ZNF333: variants seen among roughly 807,000 people sequenced by gnomAD.
ZNF333 encodes zinc finger protein 333.
A neutral mutation model predicts 76.1 loss-of-function variants in ZNF333; 61 were observed. That is an observed-to-expected ratio of 0.80 (90% CI 0.65 to 0.99). The LOEUF (loss-of-function observed/expected upper bound fraction) is 0.99. Among genes scored for constraint, ZNF333 ranks in the 50% least tolerant of loss-of-function variants. The pLI is 0.00. For missense variants in ZNF333, 717 were observed against 822.4 expected (o/e 0.87, Z 1.57); for synonymous variants, 284 against 305.0 (o/e 0.93, Z 0.72).
intron 5 of ZNF333, chr19:14,702,016 T>A: frequency 1.8e-6 from 1 of 549,012 alleles, no homozygotes; most frequent in Non-Finnish European, 2.3e-6. Context: ...GCTGACCCTT[T>A]AGGTAGCCCT....
chr19:14,703,873 G>C (rs557930477), intron 5 of ZNF333, among the ~76,000 whole-genome samples: 20 of 152,312 alleles, frequency 1.3e-4, no homozygotes, highest in African/African-American at 4.6e-4. Context: ...TTGGCCCTGT[G>C]AATGATGGAT....
rs772783897 is a variant in ZNF333, at chr19:14,716,254, C to G, written c.727+16C>G. On this transcript the variant is annotated intron_variant, in intron 9 of 11. Coordinates refer to ENST00000292530, the MANE Select transcript of ZNF333 (RefSeq NM_032433.4). ...GCCTCTGTGGGTAAGGCAGCTTCAT[C>G]TTTTCTTTCCTTTTTTTTTTTTGAG... 8 of 1,586,778 alleles carry G rather than the reference C, an allele frequency of 5.0e-6. No individual in the cohort carries two copies. Among genetic ancestry groups the G allele is most frequent in the Non-Finnish European group, 6.8e-6 (8 of 1,171,940 alleles).
intron 11 of ZNF333, among the ~76,000 whole-genome samples, chr19:14,727,987 C>T (rs968071216): frequency 6.6e-6 from 1 of 152,202 alleles, no homozygotes; most frequent in African/African-American, 2.4e-5. Context: ...CTTTGGGAGG[C>T]TGAGACAGGT....
At chr19:14,709,625 A>G (rs1272760702) in intron 7 of ZNF333, among the ~76,000 whole-genome samples, 1 of 152,236 alleles carries the variant, frequency 6.6e-6, no homozygotes, top group Non-Finnish European at 1.5e-5. Context: ...TAAAGGTTAA[A>G]TAAGGTCATA....
At chr19:14,715,635 A>C (rs2147012628) in intron 8 of ZNF333, among the ~76,000 whole-genome samples, 165 bp downstream of exon 8, 1 of 152,302 alleles carries the variant, frequency 6.6e-6, no homozygotes, top group Non-Finnish European at 1.5e-5. Context: ...CCATGATCCC[A>C]CCACCTCATT....
chr19:14,706,332 C>T (rs1412677679), intron 6 of ZNF333: 2 of 385,376 alleles, frequency 5.2e-6, no homozygotes, highest in Admixed American at 3.2e-5. Context: ...CTGCCTGCTC[C>T]GCATTCACGC....
At chr19:14,695,160 C>A in intron 3 of ZNF333, 27 bp downstream of exon 3, 2 of 1,608,140 alleles carry the variant, frequency 1.2e-6, no homozygotes, top group Non-Finnish European at 1.7e-6. Context: ...CTGGCTCCTT[C>A]CTGTACGCAG....
At chr19:14,700,586 C>T (rs578123359) in intron 5 of ZNF333, among the ~76,000 whole-genome samples, 1 of 152,254 alleles carries the variant, frequency 6.6e-6, no homozygotes, top group African/African-American at 2.4e-5. Context: ...ATTAATAGTA[C>T]AGGAGAAAAT....
downstream of ZNF333, among the ~76,000 whole-genome samples, chr19:14,724,596 T>G (rs2147038235): frequency 6.6e-6 from 1 of 152,268 alleles, no homozygotes; most frequent in Non-Finnish European, 1.5e-5. Context: ...TGAAGCTCCA[T>G]CTCTACTAAA....
At chr19:14,707,262 A>AAT (rs149935126) in intron 7 of ZNF333, 1 of 151,058 alleles carries the variant, frequency 6.6e-6, no homozygotes, top group Non-Finnish European at 1.5e-5. Flanking sequence ...AAAAAAAAAA[A>AAT]TTAGCTGTGC....
chr19:14,723,138 A>G (rs1205832287), downstream of ZNF333, among the ~76,000 whole-genome samples: 1 of 152,198 alleles, frequency 6.6e-6, no homozygotes, highest in African/African-American at 2.4e-5. Context: ...ATTCTTTTGC[A>G]TGTGCATATC....
At chr19:14,731,416 G>A (rs1387617624) in exon 12 of ZNF333, 1 of 567,220 alleles carries the variant, frequency 1.8e-6, no homozygotes, top group South Asian at 2.3e-5. Flanking sequence ...CGGATTGTAG[G>A]TTCCCCGCAA....
chr19:14,702,042 G>C (rs560396148), intron 5 of ZNF333: 1 of 331,644 alleles, frequency 3.0e-6, no homozygotes, highest in South Asian at 1.2e-4. Context: ...GCCATGCCAG[G>C]CATCATTGTG....
chr19:14,708,048 C>T (rs1368148023), intron 7 of ZNF333: 1 of 396,548 alleles, frequency 2.5e-6, no homozygotes, highest in Non-Finnish European at 4.5e-6. Flanking sequence ...CGCTCTGTCA[C>T]CTGGGCTGGA....
At chr19:14,692,787 A>C (rs528725398) in intron 1 of ZNF333, among the ~76,000 whole-genome samples, 1 of 149,412 alleles carries the variant, frequency 6.7e-6, no homozygotes, top group Non-Finnish European at 1.5e-5. Context: ...TGCTGGGATT[A>C]TAGGCATGAG....
Position 14,719,061 on chromosome 19 carries a change from G to A in ZNF333, c.1734G>A (p.Arg578=). 2 of 1,614,112 alleles carry A rather than the reference G, an allele frequency of 1.2e-6. No individual in the cohort carries two copies. Among genetic ancestry groups the A allele is most frequent in the South Asian group, 1.1e-5 (1 of 91,086 alleles). ...GRAFSEPSSL[R]KHARTHSGKK... Reference sequence around the variant, plus strand: ...CCTTCAGTGAGCCCTCATCCCTCAGGAAACATGCAAGGACTCACAGTGGCA... The same window carrying A: ...CCTTCAGTGAGCCCTCATCCCTCAGAAAACATGCAAGGACTCACAGTGGCA... Residue 578 remains arginine (R), a synonymous_variant, in exon 12 of 12, where the codon AGG becomes AGA. Coordinates refer to ENST00000292530, the MANE Select transcript of ZNF333 (RefSeq NM_032433.4).
chr19:14,730,696 C>T lies in ZNF333; in HGVS notation c.901-479C>T, dbSNP rs78385559. Among the ~76,000 whole-genome samples the T allele has an allele frequency of 5.7e-3, 869 of 152,044 alleles. 36 individuals are homozygous for T. The highest frequency in any genetic ancestry group is 0.046 in the Admixed American group (700 of 15,232). On this transcript the variant is annotated intron_variant, in intron 11 of 11. Transcript: ENST00000540689. ...TTTATTTTTAGATTCTGAGGGTACACGTTTAGGTTTGTTACAAGAGTATAT... is the reference window on the plus strand; with the variant it reads ...TTTATTTTTAGATTCTGAGGGTACATGTTTAGGTTTGTTACAAGAGTATAT...
intron 1 of ZNF333, among the ~76,000 whole-genome samples, chr19:14,690,668 A>C (rs1391396598): frequency 6.6e-6 from 1 of 152,250 alleles, no homozygotes; most frequent in Non-Finnish European, 1.5e-5. Context: ...CCATTAAGGA[A>C]TGAATTAGAT....
intron 6 of ZNF333, among the ~76,000 whole-genome samples, 156 bp downstream of exon 6, chr19:14,705,326 T>G (rs951476546): frequency 1.3e-5 from 2 of 152,094 alleles, no homozygotes; most frequent in African/African-American, 4.8e-5. Flanking sequence ...AGTCTGTTTC[T>G]GTGTTGAATA....
Sources: gnomAD v4.1 joint callset for allele counts (sites outside exome capture counted in the v4.1 genomes callset) on GRCh38, gnomAD v4.1.1 for gene constraint, MANE v1.5 for transcripts, NCBI Gene and HGNC (gene_info 2026-07-23, HGNC 2026-07-21) for gene names.